COP1: variants seen among roughly 807,000 people sequenced by gnomAD.
The protein encoded by COP1 is COP1 E3 ubiquitin ligase.
COP1 carries 24 observed loss-of-function variants against 101.3 expected under a neutral mutation model. The observed-to-expected ratio is 0.24, with a 90% confidence interval of 0.17 to 0.33. The LOEUF (loss-of-function observed/expected upper bound fraction) is 0.33. Among genes scored for constraint, COP1 ranks in the 10% least tolerant of loss-of-function variants. The pLI, the probability that COP1 is intolerant of heterozygous loss-of-function variation, is 1.00. For missense variants in COP1, 663 were observed against 906.2 expected (o/e 0.73, Z 3.45); for synonymous variants, 347 against 341.9 (o/e 1.01, Z -0.17).
intron 11 of COP1, among the ~76,000 whole-genome samples, chr1:176,076,329 C>T (rs781183882): frequency 2.3e-4 from 35 of 152,050 alleles, no homozygotes; most frequent in Non-Finnish European, 4.3e-4. Flanking sequence ...TCTCTCAAAA[C>T]TACACAAAAA....
At chr1:176,146,488 A>G (rs1691602938) in intron 6 of COP1, among the ~76,000 whole-genome samples, 1 of 152,214 alleles carries the variant, frequency 6.6e-6, no homozygotes, top group Admixed American at 6.6e-5. Context: ...TCTGTCTTCA[A>G]TATCCTCTCT....
intron 5 of COP1, among the ~76,000 whole-genome samples, chr1:176,154,806 G>A (rs1237962706): frequency 6.6e-6 from 1 of 151,972 alleles, no homozygotes; most frequent in Non-Finnish European, 1.5e-5. Context: ...CAAAAAGACT[G>A]AAAGGATATG....
At chr1:175,988,445 T>C (rs1308208978) in intron 16 of COP1, 33 bp from the exon 17 acceptor site, 1 of 1,543,022 alleles carries the variant, frequency 6.5e-7, no homozygotes, top group Non-Finnish European at 8.8e-7. Context: ...AGAACTTACT[T>C]AAAATTTCTT....
chr1:175,952,422 CAAAAA>C (rs35585282), intron 18 of COP1, among the ~76,000 whole-genome samples: 1 of 116,068 alleles, frequency 8.6e-6, no homozygotes. Flanking sequence ...GACTTCATCT[CAAAAA>C]AAAAAAAAAA....
intron 9 of COP1, among the ~76,000 whole-genome samples, chr1:176,097,415 C>T (rs1411001464): frequency 6.6e-6 from 1 of 152,052 alleles, no homozygotes; most frequent in African/African-American, 2.4e-5. Context: ...GTTTTCCTAG[C>T]CCTGTCTCTT....
intron 9 of COP1, among the ~76,000 whole-genome samples, chr1:176,107,322 T>C (rs1572271937): frequency 1.3e-5 from 2 of 152,066 alleles, no homozygotes; most frequent in East Asian, 3.9e-4. Flanking sequence ...AAAATATATT[T>C]CTCCACTAAA....
At chr1:176,205,432 C>G (rs1365256512) in intron 1 of COP1, among the ~76,000 whole-genome samples, 1 of 152,186 alleles carries the variant, frequency 6.6e-6, no homozygotes, top group African/African-American at 2.4e-5. Flanking sequence ...ACTTTCCTAA[C>G]AGTTCCAACT....
chr1:176,072,857 T>C (rs905040496), intron 11 of COP1, among the ~76,000 whole-genome samples: 4 of 152,304 alleles, frequency 2.6e-5, no homozygotes, highest in South Asian at 4.1e-4. Context: ...CAAAAATTAG[T>C]ATAAAAAATA....
chr1:176,000,911 CTAATT>C (rs960237803), intron 15 of COP1, among the ~76,000 whole-genome samples: 13 of 151,992 alleles, frequency 8.6e-5, no homozygotes, highest in African/African-American at 3.1e-4. Flanking sequence ...CAGATGATCA[CTAATT>C]TAATTTCAAT....
intron 15 of COP1, among the ~76,000 whole-genome samples, chr1:176,027,101 T>C (rs1003586608): frequency 7.9e-5 from 12 of 152,300 alleles, no homozygotes; most frequent in Middle Eastern, 3.4e-3. Flanking sequence ...TTGAATACTA[T>C]GTTAGCATGA....
chr1:176,028,658 C>CA, intron 14 of COP1, among the ~76,000 whole-genome samples: 1 of 115,002 alleles, frequency 8.7e-6, no homozygotes, highest in Non-Finnish European at 1.8e-5. Context: ...AAGACAGGAA[C>CA]AAAAAAAGCA....
intron 18 of COP1, among the ~76,000 whole-genome samples, chr1:175,948,613 C>T (rs553168358): frequency 2.6e-5 from 4 of 152,308 alleles, no homozygotes; most frequent in African/African-American, 9.6e-5. Flanking sequence ...TCATACATTT[C>T]CATTTTTAAA....
intron 9 of COP1, among the ~76,000 whole-genome samples, chr1:176,092,060 G>A (rs1681429255): frequency 6.6e-6 from 1 of 152,084 alleles, no homozygotes. Context: ...TAATAAGAGA[G>A]CCTTAACATT....
chr1:175,963,572 T>C (rs180905294), intron 18 of COP1, among the ~76,000 whole-genome samples: 2 of 152,288 alleles, frequency 1.3e-5, no homozygotes, highest in Admixed American at 6.5e-5. Flanking sequence ...CCTTAAAAGA[T>C]TGATGATGAT....
intron 9 of COP1, among the ~76,000 whole-genome samples, chr1:176,115,742 C>CA (rs2149593102): frequency 6.6e-6 from 1 of 150,616 alleles, no homozygotes; most frequent in Non-Finnish European, 1.5e-5. Context: ...GATTCTGTTT[C>CA]AAAAAAATAA....
chr1:176,116,631 C>G lies in COP1; in HGVS notation c.1019G>C (p.Ser340Thr). Residue 340 changes from serine (S) to threonine (T), a missense_variant, in exon 9 of 20, where the codon AGT (serine) becomes ACT (threonine). Around this residue, in one of 4 missense-constraint regions of COP1, gnomAD observed 212 missense variants for 240.7 expected, o/e 0.88. Transcript: ENST00000367669. ...EYSQPPGFSGSSQTKKQPWYN... is the reference protein window; with the variant it reads ...EYSQPPGFSGTSQTKKQPWYN... Reference sequence around the variant, plus strand: ...AACAAAGATATCGTTTACCTGAGAACTGCCACTGAAACCTGGAGGTTGGCT... The same window carrying G: ...AACAAAGATATCGTTTACCTGAGAAGTGCCACTGAAACCTGGAGGTTGGCT... 1 of 1,609,582 alleles carries G rather than the reference C, an allele frequency of 6.2e-7. No individual in the cohort carries two copies. The highest frequency in any genetic ancestry group is 8.5e-7 in the Non-Finnish European group (1 of 1,176,366).
At chr1:176,202,997 T>C (rs1187291131) in intron 1 of COP1, among the ~76,000 whole-genome samples, 1 of 152,138 alleles carries the variant, frequency 6.6e-6, no homozygotes, top group Non-Finnish European at 1.5e-5. Flanking sequence ...ATGGTAGATC[T>C]ATTTAATGTA....
chr1:176,028,351 C>A (rs1235513083), intron 14 of COP1, among the ~76,000 whole-genome samples: 1 of 151,624 alleles, frequency 6.6e-6, no homozygotes. Context: ...ATCACTTGAG[C>A]TCAGGAGTTA....
chr1:176,074,822 T>C (rs1399727303), intron 11 of COP1, among the ~76,000 whole-genome samples: 1 of 152,032 alleles, frequency 6.6e-6, no homozygotes, highest in Non-Finnish European at 1.5e-5. Context: ...TTACTCTTTG[T>C]ATAGTCACAT....
Sources: gnomAD v4.1 joint callset for allele counts (sites outside exome capture counted in the v4.1 genomes callset) on GRCh38, gnomAD v4.1.1 for gene constraint, gnomAD v4.1.1 regional missense constraint, MANE v1.5 for transcripts, NCBI Gene and HGNC (gene_info 2026-07-23, HGNC 2026-07-21) for gene names.